The following CYP11A1 variants were observed in gnomAD, a reference collection of about 807,000 sequenced individuals.
The protein encoded by CYP11A1 is cytochrome P450 family 11 subfamily A member 1.
A neutral mutation model predicts 51.9 loss-of-function variants in CYP11A1; 25 were observed. That is an observed-to-expected ratio of 0.48 (90% confidence interval 0.35 to 0.67). The LOEUF is 0.67. Among genes scored for constraint, CYP11A1 ranks in the 30% least tolerant of loss-of-function variants. The probability of loss-of-function intolerance (pLI) is 0.00; values close to 1 mark genes in which losing one functional copy is unlikely to be tolerated. For synonymous variants in CYP11A1, 245 were observed against 262.1 expected (o/e 0.93, Z 0.63); for missense variants, 578 against 680.9 (o/e 0.85, Z 1.68).
At position 74,367,497 on chromosome 15, in the gene CYP11A1, A is replaced by G; in HGVS notation, c.89T>C (p.Leu30Pro). ...LSAPREGLGR[L>P]RVPTGEGAGI... ...AGCTCCCTCGCCAGTGGGCACCCTG[A>G]GACGCCCCAGCCCCTCCCTGGGGGC... The change falls in exon 1 of 9, where the codon CTC (leucine) becomes CCC (proline). Residue 30 changes from leucine to proline, a missense_variant. Leu to Pro is a moderately conservative substitution (Grantham distance 98). Transcript: ENST00000268053. 2 of 1,614,184 alleles carry G rather than the reference A, an allele frequency of 1.2e-6. No individual in the cohort carries two copies. Among genetic ancestry groups the G allele is most frequent in the Non-Finnish European group, 1.7e-6 (2 of 1,180,016 alleles).
At chr15:74,342,940 A>G (rs963468143) in intron 5 of CYP11A1, 37 bp downstream of exon 5, 1 of 1,608,802 alleles carries the variant, frequency 6.2e-7, no homozygotes, top group Non-Finnish European at 8.5e-7. Context: ...ACGTGGGCAC[A>G]GGGGGCAACA....
chr15:74,341,567 A>G (rs2060607220), intron 5 of CYP11A1, among the ~76,000 whole-genome samples: 1 of 152,042 alleles, frequency 6.6e-6, no homozygotes, highest in South Asian at 2.1e-4. Flanking sequence ...CTTCATGGCC[A>G]CATTAGCCAC....
At chr15:74,360,852 G>A (rs915200833) in intron 1 of CYP11A1, among the ~76,000 whole-genome samples, 8 of 152,206 alleles carry the variant, frequency 5.3e-5, no homozygotes, top group African/African-American at 1.7e-4. Flanking sequence ...GAAGTGAGCC[G>A]AGATCATGCC....
chr15:74,359,062 A>G (rs2060694853), intron 1 of CYP11A1, among the ~76,000 whole-genome samples: 1 of 152,190 alleles, frequency 6.6e-6, no homozygotes. Context: ...TTAGTCCTTT[A>G]ATACCTGTTT....
At chr15:74,346,397 A>G (rs1201369670) in intron 2 of CYP11A1, among the ~76,000 whole-genome samples, 1 of 151,136 alleles carries the variant, frequency 6.6e-6, no homozygotes, top group African/African-American at 2.4e-5. Context: ...AAAAGCTGTC[A>G]TGCTTTGCCA....
At position 74,338,044 on chromosome 15, in the gene CYP11A1, G is replaced by A. The variant is rs769956637; in HGVS notation, c.1494C>T (p.Asn498=). 2 of 1,614,212 alleles carry A rather than the reference G, an allele frequency of 1.2e-6. No individual in the cohort carries two copies. Among genetic ancestry groups the A allele is most frequent in the Admixed American group, 3.3e-5 (2 of 60,028 alleles). ...QHLSDVGTTF[N]LILMPEKPIS... is the part of the protein sequence containing the mutation. ...TGGGCTTTTCAGGCATCAGAATGAG[G>A]TTGAATGTGGTGCCCACATCGCTGA... Residue 498 remains asparagine, a synonymous_variant, in exon 9 of 9, where the codon AAC becomes AAT. Coordinates refer to ENST00000268053, the MANE Select transcript of CYP11A1 (RefSeq NM_000781.3).
At chr15:74,366,069 G>T (rs1284106628) in intron 1 of CYP11A1, 79 of 985,510 alleles carry the variant, frequency 8.0e-5, no homozygotes, top group Non-Finnish European at 8.7e-5. Flanking sequence ...GATGGGCTCG[G>T]GCTGTGTCGA....
chr15:74,365,601 A>C (rs1467430423), intron 1 of CYP11A1: 2 of 827,408 alleles, frequency 2.4e-6, no homozygotes, highest in Non-Finnish European at 2.9e-6. Context: ...GATCTGGGGA[A>C]GGTTGAGGCC....
intron 5 of CYP11A1, among the ~76,000 whole-genome samples, chr15:74,341,111 T>A (rs984579608): frequency 1.3e-5 from 2 of 152,190 alleles, no homozygotes; most frequent in Non-Finnish European, 2.9e-5. Context: ...TTATTTAACC[T>A]CTCTGTGCTC....
chr15:74,340,651 C>T (rs1204523121), intron 5 of CYP11A1, among the ~76,000 whole-genome samples: 2 of 152,132 alleles, frequency 1.3e-5, no homozygotes, highest in African/African-American at 4.8e-5. Flanking sequence ...TCGTTTAATA[C>T]TCACAAACAA....
At chr15:74,361,519 G>A (rs1017554178) in intron 1 of CYP11A1, 32 of 601,024 alleles carry the variant, frequency 5.3e-5, no homozygotes, top group Middle Eastern at 2.8e-4. Context: ...TGCAGATGCC[G>A]TCACTGCCAC....
At chr15:74,342,046 A>G (rs1368324505) in intron 5 of CYP11A1, among the ~76,000 whole-genome samples, 2 of 152,172 alleles carry the variant, frequency 1.3e-5, no homozygotes, top group East Asian at 3.8e-4. Flanking sequence ...GCAAACCAGT[A>G]CACCCCTCCC....
intron 1 of CYP11A1, chr15:74,361,683 G>A: frequency 8.2e-7 from 1 of 1,225,682 alleles, no homozygotes; most frequent in Non-Finnish European, 1.2e-6. Context: ...TGGAGAGGAA[G>A]GATTTGGTTA....
rs1391568235 is a variant in CYP11A1 at position 74,362,036 on chromosome 15, C to T, written c.269+5281G>A. 4.0e-6 allele frequency: 6 copies of T among 1,505,354 alleles called. No individual in the cohort carries two copies. The East Asian group carries it at 1.1e-4, about 28-fold the overall frequency. 93.2% of individuals were successfully genotyped at this position (1,505,354 alleles called of 1,614,324 possible). On this transcript the variant is annotated intron_variant, in intron 1 of 8. Coordinates refer to ENST00000268053, the MANE Select transcript of CYP11A1 (RefSeq NM_000781.3). Reference sequence around the variant, plus strand: ...GAAGATCACCATTGCTGACTGTGGACAACTCTAATAAGTTTGACTTGTGTT... The same window carrying T: ...GAAGATCACCATTGCTGACTGTGGATAACTCTAATAAGTTTGACTTGTGTT...
At chr15:74,351,119 C>G (rs973389390) in intron 1 of CYP11A1, among the ~76,000 whole-genome samples, 3 of 152,184 alleles carry the variant, frequency 2.0e-5, no homozygotes, top group African/African-American at 7.2e-5. Context: ...GGAGAAGCAG[C>G]CTGACTGCCA....
chr15:74,339,218 G>A lies in CYP11A1; in HGVS notation c.1236+19C>T. ...CCCTCTCTGACTGGCAGAGCCTGCAGCCTGCTGGCTGCACCTACCTTGGCA... is the reference window on the plus strand; with the variant it reads ...CCCTCTCTGACTGGCAGAGCCTGCAACCTGCTGGCTGCACCTACCTTGGCA... On this transcript the variant is annotated intron_variant, in intron 7 of 8. Transcript: ENST00000268053. 7 of 1,606,152 alleles carry A rather than the reference G, an allele frequency of 4.4e-6. No individual in the cohort carries two copies. Among genetic ancestry groups the A allele is most frequent in the Non-Finnish European group, 6.0e-6 (7 of 1,172,822 alleles).
intron 7 of CYP11A1, 74 bp from the exon 8 acceptor site, chr15:74,338,842 G>C (rs2060592205): frequency 7.3e-7 from 1 of 1,378,168 alleles, no homozygotes; most frequent in African/African-American, 1.4e-5. Flanking sequence ...CCCTTCCCTA[G>C]TCCCCTGCCC....
At chr15:74,354,351 GC>G (rs1024190014) in intron 1 of CYP11A1, 1 of 149,892 alleles carries the variant, frequency 6.7e-6, no homozygotes, top group East Asian at 2.0e-4. Context: ...CCCCACCCCT[GC>G]CAGCCAAAAA....
At chr15:74,361,828 C>T in intron 1 of CYP11A1, 1 of 1,167,126 alleles carries the variant, frequency 8.6e-7, no homozygotes, top group South Asian at 1.2e-5. Context: ...CTAAGGCATA[C>T]ACGTCCTGGC....
Sources: allele counts gnomAD v4.1 joint callset (sites outside exome capture counted in the v4.1 genomes callset), GRCh38; gene constraint gnomAD v4.1.1; transcripts MANE v1.5; gene names NCBI Gene and HGNC (gene_info 2026-07-23, HGNC 2026-07-21).